The following TMEM178B variants were observed in gnomAD, a reference collection of about 807,000 sequenced individuals.
The protein encoded by TMEM178B is transmembrane protein 178B.
Under a neutral mutation model 31.0 loss-of-function variants are expected in TMEM178B, and 5 were observed. The observed-to-expected ratio is 0.16, with a 90% CI of 0.08 to 0.34. The LOEUF (loss-of-function observed/expected upper bound fraction) is 0.34. Ranked by LOEUF, TMEM178B falls within the 10% of genes least tolerant of loss-of-function variation. The probability of loss-of-function intolerance (pLI) is 1.00; values close to 1 mark genes in which losing one functional copy is unlikely to be tolerated. For synonymous variants in TMEM178B, 164 were observed against 164.0 expected (o/e 1.00, Z 0.00); for missense variants, 275 against 400.3 (o/e 0.69, Z 2.67).
At chr7:141,394,827 T>G (rs748474432) in intron 2 of TMEM178B, among the ~76,000 whole-genome samples, 8 of 152,194 alleles carry the variant, frequency 5.3e-5, no homozygotes, top group Non-Finnish European at 1.0e-4. Flanking sequence ...TATATATATT[T>G]TTTCTCCTCA....
At chr7:141,316,370 C>A (rs1323204906) in intron 2 of TMEM178B, among the ~76,000 whole-genome samples, 1 of 152,138 alleles carries the variant, frequency 6.6e-6, no homozygotes, top group Non-Finnish European at 1.5e-5. Context: ...AACTTACAAA[C>A]TTTAGGAATT....
Position 141,480,172 on chromosome 7 carries a change from A to G in TMEM178B, c.*9386A>G, listed in dbSNP as rs1802447870. 6.6e-6 allele frequency: 1 copy of G among 152,188 alleles called. No individual in the cohort carries two copies. Among genetic ancestry groups the G allele is most frequent in the Non-Finnish European group, 1.5e-5 (1 of 68,026 alleles). The allele number at this position is 152,188 out of a possible 1,614,324, so 9.4% of individuals were successfully genotyped here. A position where few individuals can be genotyped will look rare whatever the true frequency, so the allele number is the denominator to read the frequency against. On this transcript the variant is annotated 3_prime_UTR_variant, in exon 4 of 4. Transcript: ENST00000565468. Reference sequence around the variant, plus strand: ...CTTTGAAAGGACTGAGGAAGCAGAGAGCATTTGGGGACTTCACTGAAACTG... The same window carrying G: ...CTTTGAAAGGACTGAGGAAGCAGAGGGCATTTGGGGACTTCACTGAAACTG...
At chr7:141,151,564 C>T (rs182481816) in intron 1 of TMEM178B, among the ~76,000 whole-genome samples, 8 of 152,162 alleles carry the variant, frequency 5.3e-5, no homozygotes, top group African/African-American at 4.8e-5. Context: ...TGTGGTCAGA[C>T]GGAGTCCCTG....
At chr7:141,152,391 G>A (rs1340985342) in intron 1 of TMEM178B, among the ~76,000 whole-genome samples, 1 of 152,178 alleles carries the variant, frequency 6.6e-6, no homozygotes, top group African/African-American at 2.4e-5. Flanking sequence ...TCATGCTGGT[G>A]TGGCTTCCAG....
At chr7:141,407,641 T>A (rs1459928283) in intron 2 of TMEM178B, among the ~76,000 whole-genome samples, 1 of 152,122 alleles carries the variant, frequency 6.6e-6, no homozygotes. Flanking sequence ...ATGACCCACT[T>A]TATAGATGAG....
intron 2 of TMEM178B, among the ~76,000 whole-genome samples, chr7:141,270,755 C>A (rs995986550): frequency 6.6e-6 from 1 of 152,226 alleles, no homozygotes; most frequent in Non-Finnish European, 1.5e-5. Flanking sequence ...TAAATGTTGT[C>A]ATGTCCTTAG....
At position 141,158,527 on chromosome 7, in the gene TMEM178B, G is replaced by A. The variant is rs145205455; in HGVS notation, c.383-54064G>A. On this transcript the variant is annotated intron_variant, in intron 1 of 3. Transcript: ENST00000565468. Reference sequence around the variant, plus strand: ...GGTGCTTAGTAAATATTTGTTGAATGTTTAAAGACCAATCTCAGCCTCCCC... The same window carrying A: ...GGTGCTTAGTAAATATTTGTTGAATATTTAAAGACCAATCTCAGCCTCCCC... 8.5e-5 allele frequency among the ~76,000 whole-genome samples: 13 copies of A among 152,330 alleles called. No individual in the cohort carries two copies. In the East Asian group the frequency reaches 2.5e-3, roughly 29 times the overall value.
At chr7:141,111,493 G>A (rs1213359754) in intron 1 of TMEM178B, among the ~76,000 whole-genome samples, 1 of 152,178 alleles carries the variant, frequency 6.6e-6, no homozygotes, top group Non-Finnish European at 1.5e-5. Context: ...CTGCTAACCT[G>A]TCCTTATCTA....
intron 2 of TMEM178B, among the ~76,000 whole-genome samples, chr7:141,274,750 G>A (rs1312260564): frequency 6.6e-6 from 1 of 152,190 alleles, no homozygotes; most frequent in Non-Finnish European, 1.5e-5. Flanking sequence ...AGGGCGGAGG[G>A]TGAGGTCTGC....
At chr7:141,496,272 C>G in the TMEM178B span, among the ~76,000 whole-genome samples, 1 of 152,110 alleles carries the variant, frequency 6.6e-6, no homozygotes, top group East Asian at 1.9e-4. Flanking sequence ...ATGGAGGAGG[C>G]CAGCTCTTGA....
intron 1 of TMEM178B, among the ~76,000 whole-genome samples, chr7:141,091,104 G>T (rs770286748): frequency 1.3e-5 from 2 of 152,080 alleles, no homozygotes; most frequent in Non-Finnish European, 2.9e-5. Context: ...ATAACTCCTG[G>T]ATTTATATTA....
At chr7:141,361,174 T>G (rs1354525697) in intron 2 of TMEM178B, among the ~76,000 whole-genome samples, 2 of 152,210 alleles carry the variant, frequency 1.3e-5, no homozygotes, top group Non-Finnish European at 1.5e-5. Context: ...TCTCAAACAC[T>G]GGCTTGGGAA....
At chr7:141,090,879 CTGT>C (rs1794869951) in intron 1 of TMEM178B, among the ~76,000 whole-genome samples, 1 of 152,222 alleles carries the variant, frequency 6.6e-6, no homozygotes, top group South Asian at 2.1e-4. Flanking sequence ...ATGCCAGTGA[CTGT>C]TGTTCAGTCC....
chr7:141,248,778 A>G (rs748292576), intron 2 of TMEM178B, among the ~76,000 whole-genome samples: 30 of 152,186 alleles, frequency 2.0e-4, no homozygotes, highest in Admixed American at 1.0e-3. Context: ...AAGGCCTATG[A>G]CATTTGTATA....
At chr7:141,400,425 A>G (rs1367476720) in intron 2 of TMEM178B, among the ~76,000 whole-genome samples, 1 of 152,118 alleles carries the variant, frequency 6.6e-6, no homozygotes, top group Non-Finnish European at 1.5e-5. Context: ...CCTGGGAGGT[A>G]TGTATCCCTT....
intron 2 of TMEM178B, among the ~76,000 whole-genome samples, chr7:141,251,564 T>C (rs1797834128): frequency 6.6e-6 from 1 of 152,146 alleles, no homozygotes; most frequent in Admixed American, 6.5e-5. Flanking sequence ...CCACTTAGCC[T>C]ACAAGATTAC....
chr7:141,195,006 C>T (rs1447659158), intron 1 of TMEM178B, among the ~76,000 whole-genome samples: 5 of 152,344 alleles, frequency 3.3e-5, no homozygotes, highest in African/African-American at 1.2e-4. Flanking sequence ...GCACCAAGTC[C>T]CTAGGCTGCA....
At chr7:141,204,867 C>A (rs1464778988) in intron 1 of TMEM178B, among the ~76,000 whole-genome samples, 1 of 152,186 alleles carries the variant, frequency 6.6e-6, no homozygotes, top group Non-Finnish European at 1.5e-5. Context: ...GTCACCCAGG[C>A]TGGAGTGTGG....
intron 2 of TMEM178B, among the ~76,000 whole-genome samples, chr7:141,299,255 C>G (rs1053450382): frequency 6.6e-5 from 10 of 152,180 alleles, no homozygotes; most frequent in Middle Eastern, 3.4e-3. Context: ...TGGCTCACTG[C>G]AAACTCCGCA....
Sources: allele counts gnomAD v4.1 joint callset (sites outside exome capture counted in the v4.1 genomes callset), GRCh38; gene constraint gnomAD v4.1.1; transcripts MANE v1.5; gene names NCBI Gene and HGNC (gene_info 2026-07-23, HGNC 2026-07-21).